CCSER1: variants seen among roughly 807,000 people sequenced by gnomAD.
The protein encoded by CCSER1 is coiled-coil serine rich protein 1.
CCSER1 carries 41 observed loss-of-function variants against 82.0 expected under a neutral mutation model. That is an observed-to-expected ratio of 0.50 (90% CI 0.39 to 0.65). CCSER1 has a LOEUF of 0.65. Ranked by LOEUF, CCSER1 falls within the 30% of genes least tolerant of loss-of-function variation. The pLI, the probability that CCSER1 is intolerant of heterozygous loss-of-function variation, is 0.00. For missense variants in CCSER1, 1,119 were observed against 1,064.2 expected, an observed-to-expected ratio of 1.05 and a Z score of -0.72; for synonymous variants, 414 against 383.9, an observed-to-expected ratio of 1.08 and a Z score of -0.92.
chr4:91,098,681 A>G (rs1156953240), intron 10 of CCSER1, among the ~76,000 whole-genome samples: 1 of 151,886 alleles, frequency 6.6e-6, no homozygotes, highest in Non-Finnish European at 1.5e-5. Context: ...AGCTGGGACT[A>G]CAGGCATGTA....
chr4:90,200,093 C>CA (rs1737401277), intron 1 of CCSER1, among the ~76,000 whole-genome samples: 1 of 150,428 alleles, frequency 6.6e-6, no homozygotes, highest in Non-Finnish European at 1.5e-5. Context: ...CACACACACA[C>CA]TTTTTTTTCT....
In CCSER1 at chr4:90,196,448, C is replaced by T. The variant is rs528412450; in HGVS notation, c.-42+68617C>T. Among the ~76,000 whole-genome samples the T allele has an allele frequency of 1.2e-4, 19 of 152,054 alleles. No individual in the cohort carries two copies. The South Asian group carries it at 1.5e-3, about 12-fold the overall frequency. ...CAGCTGCCTTGCCCAGTGTCATACC[C>T]GCTTCCCAGGGGCCAGCCCACATCA... On this transcript the variant is annotated intron_variant, in intron 1 of 10. Transcript: ENST00000509176.
chr4:91,587,932 T>C (rs1160083439), intron 10 of CCSER1, among the ~76,000 whole-genome samples: 1 of 151,516 alleles, frequency 6.6e-6, no homozygotes, highest in Non-Finnish European at 1.5e-5. Context: ...CTTGAATTAA[T>C]ATTATATCAA....
chr4:90,949,103 A>T (rs1371413443), intron 9 of CCSER1, among the ~76,000 whole-genome samples: 4 of 152,086 alleles, frequency 2.6e-5, no homozygotes, highest in Non-Finnish European at 4.4e-5. Flanking sequence ...AGAGAAAGAG[A>T]TGCTAACATA....
At chr4:90,968,844 C>A in intron 9 of CCSER1, among the ~76,000 whole-genome samples, 1 of 150,316 alleles carries the variant, frequency 6.7e-6, no homozygotes, top group Non-Finnish European at 1.5e-5. Flanking sequence ...TATTAGAGAT[C>A]TATGAAATAT....
intron 10 of CCSER1, among the ~76,000 whole-genome samples, chr4:91,401,506 G>A (rs1327682654): frequency 3.3e-5 from 5 of 151,642 alleles, no homozygotes; most frequent in Admixed American, 1.3e-4. Flanking sequence ...CCATTAACTC[G>A]TCATTTAAAT....
intron 1 of CCSER1, among the ~76,000 whole-genome samples, chr4:90,299,370 T>G (rs971678210): frequency 6.6e-6 from 1 of 152,150 alleles, no homozygotes; most frequent in African/African-American, 2.4e-5. Flanking sequence ...AATTATTTGT[T>G]TTGGTTATTA....
At chr4:90,917,549 T>C (rs1363380985) in intron 8 of CCSER1, among the ~76,000 whole-genome samples, 1 of 152,032 alleles carries the variant, frequency 6.6e-6, no homozygotes, top group African/African-American at 2.4e-5. Flanking sequence ...CATTAGGAGA[T>C]ATACCTAATG....
intron 5 of CCSER1, among the ~76,000 whole-genome samples, chr4:90,570,239 G>T (rs913044530): frequency 9.2e-5 from 14 of 152,124 alleles, no homozygotes; most frequent in Non-Finnish European, 1.6e-4. Flanking sequence ...GAGTCCTGTG[G>T]TCTAGAATGT....
At chr4:90,913,558 C>G (rs924826816) in intron 8 of CCSER1, among the ~76,000 whole-genome samples, 3 of 152,090 alleles carry the variant, frequency 2.0e-5, no homozygotes, top group Non-Finnish European at 2.9e-5. Flanking sequence ...TAAAGACAAT[C>G]GAGGCTAGGA....
Position 90,312,886 on chromosome 4 carries a change from T to C in CCSER1, c.1348T>C (p.Phe450Leu). ...AKVLASSLSP[F>L]REGRFIERRL... ...AGTTCTTGCCAGTAGTCTCAGTCCA[T>C]TTCGTGAAGGAAGATTTATAGAGAG... The change falls in exon 3 of 11, where the codon TTT becomes CTT. Residue 450 changes from phenylalanine (F) to leucine (L), a missense_variant. Phe to Leu is a conservative substitution (Grantham distance 22). Coordinates refer to ENST00000509176, the MANE Select transcript of CCSER1 (RefSeq NM_001145065.2). The C allele has an allele frequency of 6.4e-7, 1 of 1,573,496 alleles. No individual in the cohort carries two copies.
At chr4:91,523,951 A>G (rs1041389181) in intron 10 of CCSER1, among the ~76,000 whole-genome samples, 2 of 151,970 alleles carry the variant, frequency 1.3e-5, no homozygotes, top group African/African-American at 4.8e-5. Flanking sequence ...TGTTAGAATG[A>G]CAAAATCACC....
At chr4:90,654,852 A>C (rs936570999) in intron 6 of CCSER1, among the ~76,000 whole-genome samples, 5 of 152,064 alleles carry the variant, frequency 3.3e-5, no homozygotes, top group Non-Finnish European at 7.4e-5. Context: ...CTATATAATA[A>C]ATTTTTATTT....
At chr4:90,221,535 G>A (rs751717902) in intron 1 of CCSER1, among the ~76,000 whole-genome samples, 14 of 152,038 alleles carry the variant, frequency 9.2e-5, no homozygotes, top group Non-Finnish European at 1.8e-4. Flanking sequence ...CGAAACAAAC[G>A]TCTTCGCTTG....
chr4:90,418,217 A>T lies in CCSER1; in HGVS notation c.1603+18088A>T, dbSNP rs567975958. Among the ~76,000 whole-genome samples the T allele has an allele frequency of 5.3e-5, 8 of 152,166 alleles. No individual in the cohort carries two copies. The South Asian group carries it at 1.7e-3, about 32-fold the overall frequency. The stretch of plus-strand genomic sequence containing the variant: ...AAAGCTTTGTAGAATATGCAATCTC[A>T]TGTCCAGCATATATATTTTTAAGAA... On this transcript the variant is annotated intron_variant, in intron 4 of 10. Transcript: ENST00000509176.
intron 1 of CCSER1, among the ~76,000 whole-genome samples, chr4:90,233,029 C>T (rs1431696512): frequency 6.6e-6 from 1 of 151,894 alleles, no homozygotes; most frequent in Non-Finnish European, 1.5e-5. Context: ...GTTGGTGGGA[C>T]TGTAAGCTAG....
chr4:91,486,014 A>C (rs1036112973), intron 10 of CCSER1, among the ~76,000 whole-genome samples: 1 of 152,112 alleles, frequency 6.6e-6, no homozygotes, highest in African/African-American at 2.4e-5. Context: ...TTAATGTAGA[A>C]TATAAGCTCA....
intron 9 of CCSER1, among the ~76,000 whole-genome samples, chr4:91,084,406 C>T (rs1166652746): frequency 6.6e-6 from 1 of 152,040 alleles, no homozygotes; most frequent in Non-Finnish European, 1.5e-5. Flanking sequence ...TTGGTAGCTA[C>T]TATATTTATT....
chr4:90,148,984 G>A (rs951682376), intron 1 of CCSER1, among the ~76,000 whole-genome samples: 1 of 152,080 alleles, frequency 6.6e-6, no homozygotes, highest in Non-Finnish European at 1.5e-5. Flanking sequence ...TTTAGAATAT[G>A]AAAGGCACTT....
Sources: gnomAD v4.1 joint callset for allele counts (sites outside exome capture counted in the v4.1 genomes callset) on GRCh38, gnomAD v4.1.1 for gene constraint, MANE v1.5 for transcripts, NCBI Gene and HGNC (gene_info 2026-07-23, HGNC 2026-07-21) for gene names.